The following UBR7 variants were observed in gnomAD, a reference collection of about 807,000 sequenced individuals.
UBR7 encodes ubiquitin protein ligase E3 component n-recognin 7, also known as putative E3 ubiquitin-protein ligase UBR7.
A neutral mutation model predicts 57.0 loss-of-function variants in UBR7; 22 were observed. The ratio of observed to expected loss-of-function variants is 0.39; its 90% CI spans 0.28 to 0.55. The LOEUF (loss-of-function observed/expected upper bound fraction) is 0.55. Among genes scored for constraint, UBR7 ranks in the 20% least tolerant of loss-of-function variants. UBR7 has a pLI of 0.69. For missense variants in UBR7, 395 were observed against 513.2 expected (o/e 0.77, Z 2.23); for synonymous variants, 167 against 179.8 (o/e 0.93, Z 0.57).
At chr14:93,223,666 C>T in intron 10 of UBR7, 2 of 1,370,446 alleles carry the variant, frequency 1.5e-6, no homozygotes, top group Non-Finnish European at 1.0e-6. Flanking sequence ...CCCGGTGGGG[C>T]AGCGGGAAAC....
At chr14:93,207,582 C>A in intron 1 of UBR7, 141 bp downstream of exon 1, 2 of 1,195,422 alleles carry the variant, frequency 1.7e-6, no homozygotes, top group Non-Finnish European at 2.3e-6. Context: ...GCTTCCTCAC[C>A]CCAAGCTCAC....
At position 93,207,261 on chromosome 14, in the gene UBR7, G is replaced by T. The variant is rs1228377378; in HGVS notation, c.-31G>T. 2 of 1,549,654 alleles carry T rather than the reference G, an allele frequency of 1.3e-6. No homozygotes were observed. The highest frequency in any genetic ancestry group is 1.7e-6 in the Non-Finnish European group (2 of 1,147,136). Reference sequence around the variant, plus strand: ...CGGCCGCTTTTCCCGCCTCCGCCGGGGCCGAGCCGCTGTTCGGCTGACAGT... The same window carrying T: ...CGGCCGCTTTTCCCGCCTCCGCCGGTGCCGAGCCGCTGTTCGGCTGACAGT... On this transcript the variant is annotated 5_prime_UTR_variant, in exon 1 of 11. Transcript: ENST00000013070.
intron 10 of UBR7, among the ~76,000 whole-genome samples, chr14:93,222,897 G>C (rs1894740368): frequency 6.6e-6 from 1 of 152,176 alleles, no homozygotes; most frequent in Non-Finnish European, 1.5e-5. Context: ...AAGCCGGGAA[G>C]AATGATGGGA....
intron 10 of UBR7, among the ~76,000 whole-genome samples, chr14:93,223,394 C>CAAA (rs34453404): frequency 0.036 from 3,372 of 93,688 alleles, 170 homozygotes; most frequent in Middle Eastern, 0.05. Flanking sequence ...GACTCCATCT[C>CAAA]AAAAAAAAAA....
intron 6 of UBR7, 46 bp from the exon 7 acceptor site, chr14:93,218,481 C>A (rs1894636384): frequency 6.7e-7 from 1 of 1,487,822 alleles, no homozygotes; most frequent in Admixed American, 1.7e-5. Flanking sequence ...TCCGTTAGGT[C>A]AGTGGATATG....
In UBR7 at chr14:93,228,726, G is replaced by A. The variant is rs1025585352; in HGVS notation, c.*1691G>A. Reference sequence around the variant, plus strand: ...GGGGAACTCTTCCAAGTCTGACAATGTTTCGAACCCTTTTTGCAAGGTTGC... The same window carrying A: ...GGGGAACTCTTCCAAGTCTGACAATATTTCGAACCCTTTTTGCAAGGTTGC... On this transcript the variant is annotated 3_prime_UTR_variant, in exon 11 of 11. Transcript: ENST00000013070. The A allele has an allele frequency of 1.8e-5, 8 of 453,970 alleles. No homozygotes were observed. Among genetic ancestry groups the A allele is most frequent in the African/African-American group, 1.0e-4 (5 of 49,984 alleles). The allele number at this position is 453,970 out of a possible 1,614,324, so 28.1% of individuals were successfully genotyped here.
intron 4 of UBR7, among the ~76,000 whole-genome samples, chr14:93,212,623 G>A (rs186556588): frequency 6.7e-4 from 102 of 152,288 alleles, no homozygotes; most frequent in African/African-American, 2.2e-3. Context: ...GCACATAGAA[G>A]TGTTTGAGTG....
At chr14:93,220,522 G>A in intron 9 of UBR7, 111 bp downstream of exon 9, 1 of 1,318,436 alleles carries the variant, frequency 7.6e-7, no homozygotes, top group Non-Finnish European at 1.1e-6. Flanking sequence ...TTAAAATTTT[G>A]AATTTTAGAC....
At chr14:93,218,164 C>G (rs1326987984) in intron 6 of UBR7, among the ~76,000 whole-genome samples, 1 of 151,602 alleles carries the variant, frequency 6.6e-6, no homozygotes, top group Non-Finnish European at 1.5e-5. Context: ...AATCCCAGCA[C>G]TTTGGGAGGC....
At chr14:93,225,372 A>C (rs147842608) in intron 10 of UBR7, among the ~76,000 whole-genome samples, 2,414 of 151,514 alleles carry the variant, frequency 0.016, 26 homozygotes, top group South Asian at 0.054. Context: ...CATGCCTGGA[A>C]TCCCAGCACT....
At chr14:93,214,884 T>G in intron 4 of UBR7, 45 bp from the exon 5 acceptor site, 1 of 1,539,716 alleles carries the variant, frequency 6.5e-7, no homozygotes, top group Non-Finnish European at 9.0e-7. Context: ...ATTTCCATGT[T>G]CCCGAATTCA....
At chr14:93,211,623 A>C (rs539845993) in intron 3 of UBR7, among the ~76,000 whole-genome samples, 11 of 152,094 alleles carry the variant, frequency 7.2e-5, no homozygotes, top group Non-Finnish European at 1.5e-4. Context: ...ACACTTTGGG[A>C]GGCCTAGGTG....
intron 6 of UBR7, 109 bp downstream of exon 6, chr14:93,215,390 A>G: frequency 9.8e-7 from 1 of 1,016,824 alleles, no homozygotes; most frequent in South Asian, 1.4e-5. Context: ...TGGTTATAAA[A>G]TAGTATATGT....
Position 93,207,405 on chromosome 14 carries a change from G to T in UBR7, c.114G>T (p.Leu38=). 1 of 1,553,946 alleles carries T rather than the reference G, an allele frequency of 6.4e-7. No homozygotes were observed. Among genetic ancestry groups the T allele is most frequent in the South Asian group, 1.2e-5 (1 of 83,474 alleles). ...EELENEACAV[L]GGSDSEKCSY... is the part of the protein sequence containing the mutation. ...TGGAGAATGAGGCGTGCGCTGTCCT[G>T]GGCGGCAGCGACTCCGAGAAGTGCT... The change falls in exon 1 of 11, where the codon CTG becomes CTT. Residue 38 remains leucine, a synonymous_variant. Transcript: ENST00000013070.
At chr14:93,210,841 T>G (rs1894467543) in intron 3 of UBR7, 133 bp downstream of exon 3, 1 of 739,858 alleles carries the variant, frequency 1.4e-6, no homozygotes. Context: ...GATGGCCATT[T>G]CATTTTTTAC....
intron 8 of UBR7, 117 bp from the exon 9 acceptor site, chr14:93,220,132 T>A (rs758805749): frequency 9.8e-7 from 1 of 1,020,448 alleles, no homozygotes. Context: ...TTTTTCTAGG[T>A]CTTAATATAA....
chr14:93,209,773 G>C (rs1382239375), intron 1 of UBR7, 51 bp from the exon 2 acceptor site: 11 of 1,602,552 alleles, frequency 6.9e-6, no homozygotes, highest in Non-Finnish European at 9.4e-6. Context: ...GTGGGTATTA[G>C]GTAAACCATG....
chr14:93,219,440 T>A, intron 8 of UBR7, 79 bp downstream of exon 8: 15 of 1,559,020 alleles, frequency 9.6e-6, no homozygotes, highest in Non-Finnish European at 1.3e-5. Context: ...GGGAAAACAT[T>A]CAATTTTTGT....
At chr14:93,207,941 C>T (rs1894401067) in intron 1 of UBR7, among the ~76,000 whole-genome samples, 1 of 152,182 alleles carries the variant, frequency 6.6e-6, no homozygotes, top group African/African-American at 2.4e-5. Flanking sequence ...TGGACAAGTG[C>T]TAGCTAGTAC....
Sources: gnomAD v4.1 joint callset for allele counts (sites outside exome capture counted in the v4.1 genomes callset) on GRCh38, gnomAD v4.1.1 for gene constraint, MANE v1.5 for transcripts, NCBI Gene and HGNC (gene_info 2026-07-23, HGNC 2026-07-21) for gene names.